The following CADM2 variants were observed in gnomAD, a reference collection of about 807,000 sequenced individuals.
CADM2 encodes the protein immunoglobulin superfamily member 4D.
A neutral mutation model predicts 49.8 loss-of-function variants in CADM2; 12 were observed. The ratio of observed to expected loss-of-function variants is 0.24; its 90% CI spans 0.15 to 0.39. CADM2 has a LOEUF of 0.39. Ranked by LOEUF, CADM2 falls within the 10% of genes least tolerant of loss-of-function variation. The probability of loss-of-function intolerance (pLI) is 1.00; values close to 1 mark genes in which losing one functional copy is unlikely to be tolerated. For synonymous variants in CADM2, 214 were observed against 175.4 expected (o/e 1.22, Z -1.74); for missense variants, 378 against 492.3 (o/e 0.77, Z 2.20).
intron 1 of CADM2, among the ~76,000 whole-genome samples, chr3:85,375,722 A>T (rs1335255336): frequency 6.6e-6 from 1 of 152,168 alleles, no homozygotes; most frequent in Non-Finnish European, 1.5e-5. Context: ...TAATGTACAA[A>T]GTGTTCTCTT....
In CADM2 at chr3:85,132,642, A is replaced by ATATATT. The variant is rs533231548; in HGVS notation, c.61+172975_61+172976insATATTT. ...AAGGATATATTATATATATATATAT[A>ATATATT]TTTAGTCATTAGACCCTCTCAGTAA... is the stretch of plus-strand genomic sequence containing the variant. On this transcript the variant is annotated intron_variant, in intron 1 of 9. Coordinates refer to ENST00000383699, the MANE Select transcript of CADM2 (RefSeq NM_001167675.2). Among the ~76,000 whole-genome samples, 8 of 151,626 alleles carry ATATATT rather than the reference A, an allele frequency of 5.3e-5. No individual in the cohort carries two copies. In the Admixed American group the frequency reaches 5.3e-4, roughly 10 times the overall value.
chr3:85,071,645 C>A (rs1039095164), intron 1 of CADM2, among the ~76,000 whole-genome samples: 1 of 151,950 alleles, frequency 6.6e-6, no homozygotes, highest in Non-Finnish European at 1.5e-5. Flanking sequence ...AATTTTAAGA[C>A]CTTTGAACAA....
intron 1 of CADM2, among the ~76,000 whole-genome samples, chr3:85,195,238 TTA>T (rs2041312907): frequency 6.6e-6 from 1 of 152,126 alleles, no homozygotes; most frequent in Admixed American, 6.6e-5. Flanking sequence ...CTAAGTGATG[TTA>T]TATAAGTTAT....
chr3:86,015,876 C>T (rs1178744832), intron 8 of CADM2, among the ~76,000 whole-genome samples: 1 of 152,164 alleles, frequency 6.6e-6, no homozygotes, highest in Non-Finnish European at 1.5e-5. Context: ...CTCTTACCTA[C>T]TGCCTCATCT....
At chr3:85,775,386 A>G (rs1183772993) in intron 2 of CADM2, among the ~76,000 whole-genome samples, 1 of 151,740 alleles carries the variant, frequency 6.6e-6, no homozygotes, top group Non-Finnish European at 1.5e-5. Context: ...CATCAGTTGT[A>G]TTAATGCAGG....
intron 1 of CADM2, among the ~76,000 whole-genome samples, chr3:85,307,269 T>A (rs1340899439): frequency 2.6e-5 from 4 of 151,668 alleles, no homozygotes; most frequent in Non-Finnish European, 5.9e-5. Context: ...TGCTTGGTCA[T>A]ATTCTTAAAA....
chr3:85,516,399 T>C (rs1486373272), intron 1 of CADM2, among the ~76,000 whole-genome samples: 1 of 152,152 alleles, frequency 6.6e-6, no homozygotes, highest in African/African-American at 2.4e-5. Flanking sequence ...TTATTAAAAA[T>C]TATCTGTCTC....
At chr3:85,813,453 T>C (rs2073012142) in intron 3 of CADM2, among the ~76,000 whole-genome samples, 1 of 152,216 alleles carries the variant, frequency 6.6e-6, no homozygotes, top group African/African-American at 2.4e-5. Flanking sequence ...ATTAGCCCTT[T>C]GTCAGAAGGA....
chr3:85,128,996 A>C (rs2039133752), intron 1 of CADM2, among the ~76,000 whole-genome samples: 1 of 152,152 alleles, frequency 6.6e-6, no homozygotes, highest in Non-Finnish European at 1.5e-5. Context: ...TTCATTTTCA[A>C]GTAAATCTAG....
At chr3:85,781,197 G>A (rs982366784) in intron 2 of CADM2, among the ~76,000 whole-genome samples, 5 of 152,118 alleles carry the variant, frequency 3.3e-5, no homozygotes, top group South Asian at 2.1e-4. Context: ...ATTCTATCAC[G>A]TAGCTGGAAA....
intron 1 of CADM2, among the ~76,000 whole-genome samples, chr3:85,375,512 T>C (rs1576443781): frequency 6.6e-6 from 1 of 152,316 alleles, no homozygotes; most frequent in Non-Finnish European, 1.5e-5. Flanking sequence ...TGGAAATTAT[T>C]ACAAGTATGT....
At chr3:85,414,991 T>C (rs1005775814) in intron 1 of CADM2, among the ~76,000 whole-genome samples, 1 of 152,084 alleles carries the variant, frequency 6.6e-6, no homozygotes, top group Non-Finnish European at 1.5e-5. Flanking sequence ...TCACGCAAAA[T>C]GGAAAGAAAC....
intron 1 of CADM2, among the ~76,000 whole-genome samples, chr3:85,574,702 G>T (rs895838732): frequency 6.6e-6 from 1 of 152,104 alleles, no homozygotes; most frequent in Admixed American, 6.5e-5. Flanking sequence ...TATATACCCA[G>T]TGTAAAATCC....
intron 2 of CADM2, among the ~76,000 whole-genome samples, chr3:85,749,018 A>C (rs993110317): frequency 6.6e-6 from 1 of 152,108 alleles, no homozygotes; most frequent in Admixed American, 6.6e-5. Context: ...TATAGCTTCA[A>C]CTGTGCTTAT....
chr3:85,763,852 A>G (rs548544554), intron 2 of CADM2, among the ~76,000 whole-genome samples: 5 of 152,138 alleles, frequency 3.3e-5, no homozygotes, highest in African/African-American at 1.2e-4. Context: ...GTCCTTACCC[A>G]TACCCTCTTT....
intron 1 of CADM2, among the ~76,000 whole-genome samples, chr3:85,427,182 A>G (rs1043457285): frequency 6.2e-5 from 5 of 80,754 alleles, no homozygotes; most frequent in South Asian, 4.4e-4. Flanking sequence ...ATATATATAT[A>G]TATATATATA....
At chr3:86,038,672 A>C (rs139242565) in intron 8 of CADM2, among the ~76,000 whole-genome samples, 1 of 152,356 alleles carries the variant, frequency 6.6e-6, no homozygotes, top group East Asian at 1.9e-4. Context: ...TAGAGTAAGA[A>C]AGTAGAACAA....
At chr3:86,058,806 T>G (rs761339755) in intron 8 of CADM2, among the ~76,000 whole-genome samples, 1 of 151,892 alleles carries the variant, frequency 6.6e-6, no homozygotes, top group East Asian at 1.9e-4. Flanking sequence ...TAAAAAAATT[T>G]TACATGGTCA....
chr3:85,865,193 C>G (rs548372563), intron 3 of CADM2, among the ~76,000 whole-genome samples: 1 of 152,222 alleles, frequency 6.6e-6, no homozygotes, highest in African/African-American at 2.4e-5. Flanking sequence ...GAGGCTTACT[C>G]CAGGCCCTGG....
Sources: gnomAD v4.1 joint callset for allele counts (sites outside exome capture counted in the v4.1 genomes callset) on GRCh38, gnomAD v4.1.1 for gene constraint, MANE v1.5 for transcripts, NCBI Gene and HGNC (gene_info 2026-07-23, HGNC 2026-07-21) for gene names.